The following DPM1 variants were observed in gnomAD, a reference collection of about 807,000 sequenced individuals.
The protein encoded by DPM1 is dolichol-phosphate mannosyltransferase subunit 1.
In DPM1, 27 loss-of-function variants were observed where a neutral mutation model predicts 39.0. That is an observed-to-expected ratio of 0.69 (90% confidence interval 0.51 to 0.95). DPM1 has a LOEUF of 0.95. Among genes scored for constraint, DPM1 ranks in the 40% least tolerant of loss-of-function variants. The pLI is 0.00. For missense variants in DPM1, 307 were observed against 315.6 expected (o/e 0.97, Z 0.21); for synonymous variants, 124 against 109.0 (o/e 1.14, Z -0.86).
chr20:50,947,584 G>A (rs1986361981), intron 3 of DPM1, among the ~76,000 whole-genome samples: 1 of 152,220 alleles, frequency 6.6e-6, no homozygotes, highest in Non-Finnish European at 1.5e-5. Flanking sequence ...GAATTACTGA[G>A]CTCATATGAG....
chr20:50,951,227 C>G (rs1352648673), intron 2 of DPM1, among the ~76,000 whole-genome samples: 2 of 152,102 alleles, frequency 1.3e-5, no homozygotes, highest in African/African-American at 2.4e-5. Context: ...GACTATGATA[C>G]TTATAATTTT....
At chr20:50,955,042 A>G (rs1190904990) in intron 2 of DPM1, 144 bp downstream of exon 2, 4 of 701,890 alleles carry the variant, frequency 5.7e-6, no homozygotes, top group Non-Finnish European at 7.2e-6. Context: ...GGACAACAAA[A>G]ATGCATTTAA....
intron 5 of DPM1, among the ~76,000 whole-genome samples, chr20:50,942,775 C>T (rs1212180512): frequency 6.6e-6 from 1 of 152,186 alleles, no homozygotes; most frequent in Non-Finnish European, 1.5e-5. Flanking sequence ...CTTTTCTTTG[C>T]CTAGAGAAAG....
chr20:50,951,051 C>T (rs766774575), intron 2 of DPM1, among the ~76,000 whole-genome samples: 9 of 152,106 alleles, frequency 5.9e-5, no homozygotes, highest in Non-Finnish European at 1.3e-4. Context: ...AAATTAAGCA[C>T]AGTAAGAGAT....
At position 50,958,484 on chromosome 20, in the gene DPM1, G is replaced by A. The variant is rs117175017; in HGVS notation, c.40C>T (p.Arg14Trp). The change falls in exon 1 of 9, where the codon CGG becomes TGG. Residue 14 changes from arginine (R) to tryptophan (W), a missense_variant. Physicochemically the swap from Arg to Trp is moderately radical, Grantham distance 101. Transcript: ENST00000371588. ...GGACTGCGCACTTCCAGCTCCCGCC[G>A]AGACCTGCGAGGACTACGACTGACT... ...LEVSRSPRRSRRELEVRSPRQ... is the reference protein window; with the variant it reads ...LEVSRSPRRSWRELEVRSPRQ... 2.7e-3 allele frequency: 4,325 copies of A among 1,613,936 alleles called. 6 individuals carry two copies. Among genetic ancestry groups the A allele is most frequent in the Non-Finnish European group, 3.3e-3 (3,917 of 1,180,012 alleles).
At chr20:50,939,142 T>C (rs754523103) in intron 7 of DPM1, among the ~76,000 whole-genome samples, 13 of 152,246 alleles carry the variant, frequency 8.5e-5, no homozygotes, top group Admixed American at 2.6e-4. Flanking sequence ...AATCCTTGTA[T>C]GGTTCTGATG....
intron 1 of DPM1, among the ~76,000 whole-genome samples, chr20:50,957,721 T>C (rs1201596617): frequency 1.3e-5 from 2 of 152,236 alleles, no homozygotes; most frequent in South Asian, 2.1e-4. Flanking sequence ...ATGATCCCAT[T>C]TGTGCAATCG....
intron 2 of DPM1, among the ~76,000 whole-genome samples, chr20:50,953,459 A>C (rs1986681428): frequency 6.6e-6 from 1 of 152,206 alleles, no homozygotes; most frequent in African/African-American, 2.4e-5. Flanking sequence ...CGAAACATAC[A>C]TCTGTCACTA....
At chr20:50,955,100 T>C in intron 2 of DPM1, 86 bp downstream of exon 2, 4 of 1,064,092 alleles carry the variant, frequency 3.8e-6, no homozygotes, top group South Asian at 2.6e-5. Flanking sequence ...TCTAAACAAA[T>C]AGATTGAATT....
In DPM1 at chr20:50,958,516, G is replaced by T; in HGVS notation, c.8C>A (p.Ser3Tyr). The T allele has an allele frequency of 6.2e-7, 1 of 1,613,736 alleles. No individual in the cohort carries two copies. Among genetic ancestry groups the T allele is most frequent in the East Asian group, 2.2e-5 (1 of 44,850 alleles). ...GCGAGGACTACGACTGACTTCCAAG[G>T]AGGCCATGGCGGAACTGAGCCAGAT... is the stretch of plus-strand genomic sequence containing the variant. MASLEVSRSPRRS... is the reference protein window; with the variant it reads MAYLEVSRSPRRS... Residue 3 changes from serine to tyrosine, a missense_variant, in exon 1 of 9, where the codon TCC becomes TAC. Ser to Tyr is a moderately radical substitution (Grantham distance 144, BLOSUM62 -2). This residue lies in a region of DPM1 where 206 missense variants were observed against 188.2 expected (regional missense o/e 1.09). Transcript: ENST00000371588.
intron 3 of DPM1, among the ~76,000 whole-genome samples, chr20:50,946,336 T>A (rs1388046687): frequency 6.6e-6 from 1 of 152,172 alleles, no homozygotes; most frequent in African/African-American, 2.4e-5. Context: ...TCCACTTGGG[T>A]ATTTCAGAAA....
intron 2 of DPM1, among the ~76,000 whole-genome samples, chr20:50,953,499 A>T (rs1390300696): frequency 6.6e-6 from 1 of 152,198 alleles, no homozygotes; most frequent in Non-Finnish European, 1.5e-5. Flanking sequence ...GCATGGATTA[A>T]TACTGTTTTT....
rs114212334 is a variant in DPM1, at chr20:50,945,428, A to T, written c.398+309T>A. Among the ~76,000 whole-genome samples, 705 of 152,180 alleles carry T rather than the reference A, an allele frequency of 4.6e-3. 5 individuals are homozygous for T. Among genetic ancestry groups the T allele is most frequent in the African/African-American group, 0.016 (665 of 41,520 alleles). On this transcript the variant is annotated intron_variant, in intron 5 of 8. Transcript: ENST00000371588. ...TGATCATAGCTCACTGCAGCCTTGA[A>T]GTCCTGGGCTCATGTCATCCTCCCA... is the stretch of plus-strand genomic sequence containing the variant.
intron 5 of DPM1, 127 bp from the exon 6 acceptor site, chr20:50,942,253 A>G (rs1044273370): frequency 2.4e-6 from 2 of 831,622 alleles, no homozygotes; most frequent in Non-Finnish European, 2.0e-6. Context: ...CACGCCTGCA[A>G]TCCTAGCACT....
chr20:50,937,539 G>A (rs1455749603), intron 7 of DPM1, among the ~76,000 whole-genome samples: 1 of 152,012 alleles, frequency 6.6e-6, no homozygotes, highest in Admixed American at 6.6e-5. Flanking sequence ...AGGGGAGGGA[G>A]CACTGGGATT....
intron 2 of DPM1, among the ~76,000 whole-genome samples, chr20:50,953,930 C>T (rs1176240298): frequency 2.0e-5 from 3 of 152,132 alleles, no homozygotes; most frequent in Non-Finnish European, 2.9e-5. Flanking sequence ...GAAAATTTGT[C>T]AACTTTTTAC....
At chr20:50,939,412 C>T (rs1227547210) in intron 7 of DPM1, among the ~76,000 whole-genome samples, 1 of 152,032 alleles carries the variant, frequency 6.6e-6, no homozygotes, top group African/African-American at 2.4e-5. Flanking sequence ...ACTGCCCAGG[C>T]TGGAGTGCAG....
chr20:50,946,062 C>T, intron 3 of DPM1, 139 bp from the exon 4 acceptor site: 1 of 762,768 alleles, frequency 1.3e-6, no homozygotes, highest in Admixed American at 2.0e-5. Context: ...GTATTTTTCA[C>T]CTTAAGTACA....
intron 3 of DPM1, among the ~76,000 whole-genome samples, chr20:50,947,753 C>T (rs539380588): frequency 1.3e-5 from 2 of 152,184 alleles, no homozygotes; most frequent in South Asian, 4.2e-4. Context: ...CTCAGCCTCC[C>T]GAGTAGCTGG....
Sources: allele counts gnomAD v4.1 joint callset (sites outside exome capture counted in the v4.1 genomes callset), GRCh38; gene constraint gnomAD v4.1.1; regional missense constraint gnomAD v4.1.1; transcripts MANE v1.5; gene names NCBI Gene and HGNC (gene_info 2026-07-23, HGNC 2026-07-21).